CAST: variants seen among roughly 807,000 people sequenced by gnomAD.
CAST encodes the protein calpastatin.
Under a neutral mutation model 119.6 loss-of-function variants are expected in CAST, and 76 were observed. The observed-to-expected ratio is 0.64, with a 90% confidence interval of 0.53 to 0.77. CAST has a LOEUF of 0.77. Ranked by LOEUF, CAST falls within the 30% of genes least tolerant of loss-of-function variation. The pLI, the probability that CAST is intolerant of heterozygous loss-of-function variation, is 0.00. For synonymous variants in CAST, 319 were observed against 331.6 expected, an observed-to-expected ratio of 0.96 and a Z score of 0.41; for missense variants, 953 against 946.5, an observed-to-expected ratio of 1.01 and a Z score of -0.09.
the CAST span, among the ~76,000 whole-genome samples, chr5:96,036,103 G>T: frequency 6.6e-6 from 1 of 151,322 alleles, no homozygotes; most frequent in South Asian, 2.1e-4. Flanking sequence ...GAGAGAAAAA[G>T]CAGGATGTAT....
the CAST span, among the ~76,000 whole-genome samples, chr5:96,077,543 G>T: frequency 2.0e-5 from 3 of 152,130 alleles, no homozygotes; most frequent in African/African-American, 7.2e-5. Context: ...AAATTGTGGG[G>T]CTGCTTAGGT....
the CAST span, among the ~76,000 whole-genome samples, chr5:96,092,228 CTTA>C: frequency 6.6e-6 from 1 of 152,104 alleles, no homozygotes. Context: ...TCACAGGTAC[CTTA>C]TTATAACTTG....
chr5:96,540,592 C>T (rs894941193), intron 1 of CAST, among the ~76,000 whole-genome samples: 2 of 152,154 alleles, frequency 1.3e-5, no homozygotes, highest in Non-Finnish European at 2.9e-5. Context: ...AATGTTGATA[C>T]ACTATTATTA....
the CAST span, among the ~76,000 whole-genome samples, chr5:96,446,178 A>G: frequency 8.5e-6 from 1 of 117,796 alleles, no homozygotes; most frequent in African/African-American, 4.0e-5. Context: ...TTTTTAGTGT[A>G]CAAAAAAAAA....
the CAST span, among the ~76,000 whole-genome samples, chr5:96,393,974 C>A: frequency 6.6e-6 from 1 of 152,194 alleles, no homozygotes; most frequent in African/African-American, 2.4e-5. Flanking sequence ...ACAAGGTTAA[C>A]CTGCTTCCCA....
At chr5:96,424,700 T>A in the CAST span, among the ~76,000 whole-genome samples, 5 of 152,248 alleles carry the variant, frequency 3.3e-5, no homozygotes, top group South Asian at 1.0e-3. Context: ...CGGTGGCTCA[T>A]GCCTGTAATC....
chr5:96,469,879 A>ATAATATAT, the CAST span, among the ~76,000 whole-genome samples: 37 of 107,418 alleles, frequency 3.4e-4, no homozygotes, highest in East Asian at 4.5e-3. Context: ...ATATATATAT[A>ATAATATAT]ATATATATAT....
At chr5:96,375,305 A>G in the CAST span, among the ~76,000 whole-genome samples, 2 of 152,202 alleles carry the variant, frequency 1.3e-5, no homozygotes, top group African/African-American at 2.4e-5. Context: ...ATAGCTGTAC[A>G]AGAAATAGCA....
chr5:96,623,806 C>T (rs1747665426), intron 1 of CAST, among the ~76,000 whole-genome samples: 1 of 152,150 alleles, frequency 6.6e-6, no homozygotes, highest in Non-Finnish European at 1.5e-5. Context: ...AAGTGATCCT[C>T]CTGCCTCAGC....
the CAST span, among the ~76,000 whole-genome samples, chr5:96,469,967 C>T: frequency 1.3e-5 from 2 of 149,660 alleles, no homozygotes; most frequent in Non-Finnish European, 3.0e-5. Context: ...TTATTATAAA[C>T]ATGATGTAAA....
chr5:96,382,436 G>A, the CAST span, among the ~76,000 whole-genome samples: 2 of 152,176 alleles, frequency 1.3e-5, no homozygotes, highest in Admixed American at 6.6e-5. Flanking sequence ...ACCACCCCCA[G>A]TGGATCCTCC....
At chr5:96,292,189 T>A in the CAST span, among the ~76,000 whole-genome samples, 2 of 152,150 alleles carry the variant, frequency 1.3e-5, no homozygotes, top group Admixed American at 1.3e-4. Flanking sequence ...TAAAATTATA[T>A]GTGAATAGAT....
intron 1 of CAST, among the ~76,000 whole-genome samples, chr5:96,554,329 T>C (rs1746191531): frequency 6.6e-6 from 1 of 152,176 alleles, no homozygotes; most frequent in Non-Finnish European, 1.5e-5. Flanking sequence ...TAATAAATGG[T>C]GTTGGGAAAA....
the CAST span, among the ~76,000 whole-genome samples, chr5:96,388,804 A>G: frequency 6.6e-6 from 1 of 152,134 alleles, no homozygotes; most frequent in African/African-American, 2.4e-5. Context: ...CCAGATGGAC[A>G]TTCAAAAGAA....
chr5:96,751,460 C>T (rs1765028371), intron 20 of CAST, among the ~76,000 whole-genome samples: 1 of 152,134 alleles, frequency 6.6e-6, no homozygotes, highest in Admixed American at 6.5e-5. Context: ...TTGAGTTGAC[C>T]TTGATCCACT....
At chr5:96,047,904 A>G in the CAST span, among the ~76,000 whole-genome samples, 1 of 152,214 alleles carries the variant, frequency 6.6e-6, no homozygotes, top group Non-Finnish European at 1.5e-5. Context: ...AGAAGGTAGT[A>G]AAGAACTTGC....
intron 3 of CAST, among the ~76,000 whole-genome samples, chr5:96,697,367 G>T (rs564637706): frequency 6.6e-6 from 1 of 151,998 alleles, no homozygotes; most frequent in East Asian, 1.9e-4. Context: ...GCTCAATGAA[G>T]AGTTAGTATT....
At chr5:96,572,338 T>C (rs918085984) in intron 1 of CAST, among the ~76,000 whole-genome samples, 2 of 152,032 alleles carry the variant, frequency 1.3e-5, no homozygotes, top group Non-Finnish European at 2.9e-5. Context: ...GTAGCTGGGA[T>C]TACAGGCACA....
At chr5:96,211,688 G>A in the CAST span, among the ~76,000 whole-genome samples, 29 of 151,992 alleles carry the variant, frequency 1.9e-4, no homozygotes, top group African/African-American at 6.0e-4. Context: ...TATATTTTCT[G>A]GAGGAAAGTG....
Sources: gnomAD v4.1 joint callset for allele counts (sites outside exome capture counted in the v4.1 genomes callset) on GRCh38, gnomAD v4.1.1 for gene constraint, MANE v1.5 for transcripts, NCBI Gene and HGNC (gene_info 2026-07-23, HGNC 2026-07-21) for gene names.